Variants in B3GALT1 observed in about 807,000 individuals in gnomAD.
B3GALT1 encodes beta-1,3-galactosyltransferase 1.
B3GALT1 carries 10 observed loss-of-function variants against 23.2 expected under a neutral mutation model. The ratio of observed to expected loss-of-function variants is 0.43; its 90% CI spans 0.27 to 0.73. B3GALT1 has a LOEUF of 0.73. B3GALT1 is among the 30% of genes least tolerant of loss of function. The pLI is 0.21. For synonymous variants in B3GALT1, 156 were observed against 141.5 expected, an observed-to-expected ratio of 1.10 and a Z score of -0.73; for missense variants, 299 against 405.4, an observed-to-expected ratio of 0.74 and a Z score of 2.25.
chr2:167,611,867 A>G (rs1685073569), intron 2 of B3GALT1, among the ~76,000 whole-genome samples: 2 of 152,010 alleles, frequency 1.3e-5, no homozygotes, highest in Admixed American at 1.3e-4. Flanking sequence ...AAGCAGAAAT[A>G]TTTCAGACAT....
intron 4 of B3GALT1, among the ~76,000 whole-genome samples, chr2:167,864,928 AT>A (rs1437538838): frequency 6.6e-6 from 1 of 152,084 alleles, no homozygotes; most frequent in African/African-American, 2.4e-5. Flanking sequence ...GAAGTATTAT[AT>A]TTATTACCTG....
intron 3 of B3GALT1, among the ~76,000 whole-genome samples, chr2:167,647,880 A>G (rs1685776279): frequency 6.6e-6 from 1 of 152,160 alleles, no homozygotes; most frequent in African/African-American, 2.4e-5. Flanking sequence ...GCACATCATG[A>G]AGAATGGGGT....
intron 2 of B3GALT1, among the ~76,000 whole-genome samples, chr2:167,497,212 A>G (rs1699794013): frequency 6.6e-6 from 1 of 152,164 alleles, no homozygotes; most frequent in Non-Finnish European, 1.5e-5. Context: ...CAAAAATACA[A>G]AGTTGAGCAG....
At chr2:167,577,820 A>C (rs979923624) in intron 2 of B3GALT1, among the ~76,000 whole-genome samples, 1 of 147,308 alleles carries the variant, frequency 6.8e-6, no homozygotes, top group African/African-American at 2.7e-5. Flanking sequence ...AACATTCTGA[A>C]TTACTAAAAT....
chr2:167,678,170 TA>T (rs1187890326), intron 3 of B3GALT1, among the ~76,000 whole-genome samples: 1 of 152,218 alleles, frequency 6.6e-6, no homozygotes, highest in African/African-American at 2.4e-5. Context: ...CCTAGATAAT[TA>T]GCCTTTCTAT....
intron 4 of B3GALT1, among the ~76,000 whole-genome samples, chr2:167,863,827 C>A (rs1390332081): frequency 2.6e-5 from 4 of 152,110 alleles, no homozygotes; most frequent in African/African-American, 9.7e-5. Flanking sequence ...AGTTTCTTTT[C>A]AGACTTCAAA....
chr2:167,840,274 T>G (rs894294000), intron 4 of B3GALT1, among the ~76,000 whole-genome samples: 34 of 152,184 alleles, frequency 2.2e-4, no homozygotes, highest in Non-Finnish European at 3.8e-4. Flanking sequence ...TTTTGCCACC[T>G]ACTCATCTGA....
intron 2 of B3GALT1, among the ~76,000 whole-genome samples, chr2:167,513,243 A>T (rs1700055159): frequency 6.6e-6 from 1 of 151,722 alleles, no homozygotes. Context: ...TTTAGTGCTG[A>T]AATATTAAAA....
At chr2:167,347,937 T>C (rs1697250285) in intron 1 of B3GALT1, among the ~76,000 whole-genome samples, 1 of 152,168 alleles carries the variant, frequency 6.6e-6, no homozygotes, top group South Asian at 2.1e-4. Flanking sequence ...GTTTGGTGTT[T>C]AGGTTAGTAG....
At chr2:167,783,967 T>C (rs1394770807) in intron 3 of B3GALT1, among the ~76,000 whole-genome samples, 1 of 152,174 alleles carries the variant, frequency 6.6e-6, no homozygotes. Context: ...AGTGGCAAGG[T>C]CTGGGGAGGA....
chr2:167,438,109 C>T lies in B3GALT1; in HGVS notation c.-510-52068C>T, dbSNP rs74705800. ...TTTTTAACATCCAGCTCTCTGGCCACCTATAAAAGATGACAGAAAAGATGA... is the reference window on the plus strand; with the variant it reads ...TTTTTAACATCCAGCTCTCTGGCCATCTATAAAAGATGACAGAAAAGATGA... On this transcript the variant is annotated intron_variant, in intron 1 of 4. Transcript: ENST00000392690. 9.8e-4 allele frequency among the ~76,000 whole-genome samples: 149 copies of T among 152,274 alleles called. 4 individuals are homozygous for T. In the East Asian group the frequency reaches 0.028, roughly 28 times the overall value.
chr2:167,364,290 A>G (rs1316746163), intron 1 of B3GALT1, among the ~76,000 whole-genome samples: 3 of 151,554 alleles, frequency 2.0e-5, no homozygotes, highest in Middle Eastern at 3.5e-3. Flanking sequence ...GCCCAAAGAC[A>G]AAAGATTTAT....
intron 1 of B3GALT1, among the ~76,000 whole-genome samples, chr2:167,353,346 A>C (rs1251525836): frequency 6.6e-6 from 1 of 152,170 alleles, no homozygotes; most frequent in African/African-American, 2.4e-5. Flanking sequence ...TAATTTTTTC[A>C]AGAGTGTCCA....
intron 3 of B3GALT1, among the ~76,000 whole-genome samples, chr2:167,813,485 A>AT (rs1688932318): frequency 6.6e-6 from 1 of 152,230 alleles, no homozygotes; most frequent in African/African-American, 2.4e-5. Flanking sequence ...AGCCTTATTT[A>AT]AAATCAGGAC....
chr2:167,427,797 G>A (rs1236733098), intron 1 of B3GALT1, among the ~76,000 whole-genome samples: 1 of 152,110 alleles, frequency 6.6e-6, no homozygotes, highest in Non-Finnish European at 1.5e-5. Context: ...GTCTCCCACT[G>A]GCCATTATTT....
At chr2:167,794,815 G>C (rs943229454) in intron 3 of B3GALT1, among the ~76,000 whole-genome samples, 1 of 152,150 alleles carries the variant, frequency 6.6e-6, no homozygotes, top group African/African-American at 2.4e-5. Flanking sequence ...AATGATCAAA[G>C]ACAAAGCGAT....
At chr2:167,445,024 A>G (rs1307686444) in intron 1 of B3GALT1, among the ~76,000 whole-genome samples, 3 of 152,184 alleles carry the variant, frequency 2.0e-5, no homozygotes, top group Admixed American at 6.6e-5. Flanking sequence ...TTCCCTCTAC[A>G]CACTGCTTTA....
chr2:167,485,141 G>A (rs569543338), intron 1 of B3GALT1, among the ~76,000 whole-genome samples: 6 of 152,140 alleles, frequency 3.9e-5, no homozygotes, highest in South Asian at 4.2e-4. Flanking sequence ...CCAAGAGGAG[G>A]GATCCATTCA....
chr2:167,751,392 CCAGA>C (rs1329053041), intron 3 of B3GALT1, among the ~76,000 whole-genome samples: 1 of 152,130 alleles, frequency 6.6e-6, no homozygotes, highest in African/African-American at 2.4e-5. Context: ...GACAGAGGCA[CCAGA>C]CAATCTGCCC....
Sources: gnomAD v4.1 joint callset for allele counts (sites outside exome capture counted in the v4.1 genomes callset) on GRCh38, gnomAD v4.1.1 for gene constraint, MANE v1.5 for transcripts, NCBI Gene and HGNC (gene_info 2026-07-23, HGNC 2026-07-21) for gene names.